ADAMTSL1: variants seen among roughly 807,000 people sequenced by gnomAD.
ADAMTSL1 encodes ADAMTS-like protein 1.
Under a neutral mutation model 201.8 loss-of-function variants are expected in ADAMTSL1, and 126 were observed. The ratio of observed to expected loss-of-function variants is 0.62; its 90% confidence interval spans 0.54 to 0.72. The LOEUF (loss-of-function observed/expected upper bound fraction) is 0.72, where lower values mean the gene tolerates loss of function less well. ADAMTSL1 is among the 30% of genes least tolerant of loss of function. The probability of loss-of-function intolerance (pLI) is 0.00; values close to 1 mark genes in which losing one functional copy is unlikely to be tolerated. For synonymous variants in ADAMTSL1, 1,121 were observed against 903.4 expected (o/e 1.24, Z -4.32); for missense variants, 2,679 against 2,277.8 (o/e 1.18, Z -3.59).
At chr9:18,213,820 A>C (rs1419724572) in intron 2 of ADAMTSL1, among the ~76,000 whole-genome samples, 1 of 152,034 alleles carries the variant, frequency 6.6e-6, no homozygotes, top group East Asian at 1.9e-4. Context: ...GTTCACTGCA[A>C]CTTCCACTTC....
intron 1 of ADAMTSL1, among the ~76,000 whole-genome samples, chr9:18,492,685 T>C (rs1822326842): frequency 6.6e-6 from 1 of 152,232 alleles, no homozygotes; most frequent in Non-Finnish European, 1.5e-5. Flanking sequence ...TTTTACAAAT[T>C]AGAAAATTGA....
chr9:18,446,184 A>T (rs1820184906), intron 2 of ADAMTSL1, among the ~76,000 whole-genome samples: 1 of 152,186 alleles, frequency 6.6e-6, no homozygotes, highest in African/African-American at 2.4e-5. Context: ...AGGAAAAAAG[A>T]AACTCCACAG....
intron 23 of ADAMTSL1, among the ~76,000 whole-genome samples, chr9:18,857,219 G>A (rs972277225): frequency 6.6e-6 from 1 of 152,102 alleles, no homozygotes; most frequent in African/African-American, 2.4e-5. Context: ...TCATCCATTC[G>A]GGAGTAAGTT....
intron 2 of ADAMTSL1, among the ~76,000 whole-genome samples, chr9:18,279,760 C>T (rs563551361): frequency 5.1e-4 from 77 of 152,218 alleles, no homozygotes; most frequent in Non-Finnish European, 9.6e-4. Flanking sequence ...ATGCAGTATT[C>T]GCAGATTCCA....
At chr9:18,559,343 T>C (rs1175798792) in intron 3 of ADAMTSL1, among the ~76,000 whole-genome samples, 1 of 152,208 alleles carries the variant, frequency 6.6e-6, no homozygotes, top group Non-Finnish European at 1.5e-5. Flanking sequence ...TTCTGAGGCC[T>C]CTGTTCAGTT....
chr9:17,975,986 C>T (rs566124330), intron 1 of ADAMTSL1, among the ~76,000 whole-genome samples: 14 of 152,104 alleles, frequency 9.2e-5, no homozygotes, highest in Admixed American at 5.9e-4. Context: ...TAGCCTTCCC[C>T]GACTGTGTAT....
chr9:18,191,488 A>T (rs1828969246), intron 2 of ADAMTSL1, among the ~76,000 whole-genome samples: 1 of 152,028 alleles, frequency 6.6e-6, no homozygotes, highest in Non-Finnish European at 1.5e-5. Context: ...CAGAGAAGGA[A>T]CCTCACAAGT....
At chr9:18,386,319 A>G (rs1310394505) in intron 2 of ADAMTSL1, among the ~76,000 whole-genome samples, 1 of 152,182 alleles carries the variant, frequency 6.6e-6, no homozygotes, top group Admixed American at 6.5e-5. Context: ...GATATGGTTC[A>G]GCTTTTTAGC....
chr9:18,649,734 A>G (rs1259084942), intron 7 of ADAMTSL1, among the ~76,000 whole-genome samples: 2 of 152,018 alleles, frequency 1.3e-5, no homozygotes, highest in Non-Finnish European at 1.5e-5. Context: ...CTGCTGTCTG[A>G]TCGTTCCTCT....
chr9:18,063,928 C>T (rs1822577935), intron 1 of ADAMTSL1, among the ~76,000 whole-genome samples: 2 of 152,114 alleles, frequency 1.3e-5, no homozygotes, highest in African/African-American at 2.4e-5. Context: ...TTCCAATTTC[C>T]GTGCCGGTTT....
intron 2 of ADAMTSL1, among the ~76,000 whole-genome samples, chr9:18,238,035 G>T (rs1324192439): frequency 1.3e-5 from 2 of 152,210 alleles, no homozygotes; most frequent in East Asian, 3.9e-4. Context: ...TTTCCCTGAA[G>T]AACCACTTTT....
Position 18,775,817 on chromosome 9 carries a change from A to T in ADAMTSL1, c.2472A>T (p.Ser824=), listed in dbSNP as rs200187891. 1.9e-5 allele frequency: 30 copies of T among 1,609,456 alleles called. No individual in the cohort carries two copies. The African/African-American group carries it at 3.2e-4, about 17-fold the overall frequency. The part of the protein sequence containing the change: ...ICRKMLKTGL[S]TVVNSTLCPP... ...GAAAGATGCTGAAAACCGGCCTCTC[A>T]ACGGTTGTCAATTCCACCCTGTGCC... Residue 824 remains serine (S), a synonymous_variant, in exon 18 of 29, where the codon TCA becomes TCT. Transcript: ENST00000380548.
At chr9:18,238,279 A>C (rs957594016) in intron 2 of ADAMTSL1, among the ~76,000 whole-genome samples, 2 of 152,244 alleles carry the variant, frequency 1.3e-5, no homozygotes, top group Non-Finnish European at 2.9e-5. Flanking sequence ...AAGAAAAAGA[A>C]TTAAAATTCT....
intron 2 of ADAMTSL1, among the ~76,000 whole-genome samples, chr9:18,357,864 C>A (rs1446928674): frequency 6.6e-6 from 1 of 152,080 alleles, no homozygotes; most frequent in Non-Finnish European, 1.5e-5. Context: ...CGTTTTAGAC[C>A]TGAAACATTC....
At chr9:18,763,455 T>C (rs767048867) in intron 16 of ADAMTSL1, among the ~76,000 whole-genome samples, 1 of 152,208 alleles carries the variant, frequency 6.6e-6, no homozygotes, top group Non-Finnish European at 1.5e-5. Flanking sequence ...GGTTGTCGCT[T>C]CACTTTGTTG....
At chr9:18,773,189 C>G (rs1458928564) in intron 17 of ADAMTSL1, among the ~76,000 whole-genome samples, 1 of 152,148 alleles carries the variant, frequency 6.6e-6, no homozygotes, top group Non-Finnish European at 1.5e-5. Context: ...TGGGCTCAAT[C>G]TCATGGTTAC....
chr9:18,352,150 A>G (rs1051051804), intron 2 of ADAMTSL1, among the ~76,000 whole-genome samples: 2 of 152,188 alleles, frequency 1.3e-5, no homozygotes. Flanking sequence ...TAGCTTCTAT[A>G]GTGTTATCCT....
intron 1 of ADAMTSL1, among the ~76,000 whole-genome samples, chr9:17,962,568 T>A (rs1817797432): frequency 6.6e-6 from 1 of 152,186 alleles, no homozygotes; most frequent in South Asian, 2.1e-4. Flanking sequence ...TCATTCATGG[T>A]TGTGATTGTG....
At chr9:18,588,201 G>C (rs532882388) in intron 4 of ADAMTSL1, among the ~76,000 whole-genome samples, 1 of 152,106 alleles carries the variant, frequency 6.6e-6, no homozygotes, top group Non-Finnish European at 1.5e-5. Context: ...GTTTTGATTC[G>C]CATTTCCCTG....
Sources: allele counts gnomAD v4.1 joint callset (sites outside exome capture counted in the v4.1 genomes callset), GRCh38; gene constraint gnomAD v4.1.1; transcripts MANE v1.5; gene names NCBI Gene and HGNC (gene_info 2026-07-23, HGNC 2026-07-21).